The following SNX29 variants were observed in gnomAD, a reference collection of about 807,000 sequenced individuals.
SNX29 encodes the protein sorting nexin 29.
SNX29 carries 78 observed loss-of-function variants against 102.1 expected under a neutral mutation model. The observed-to-expected ratio is 0.76, with a 90% CI of 0.64 to 0.92. The LOEUF (loss-of-function observed/expected upper bound fraction) is 0.92, where lower values mean the gene tolerates loss of function less well. SNX29 is among the 40% of genes least tolerant of loss of function. The pLI, the probability that SNX29 is intolerant of heterozygous loss-of-function variation, is 0.00. For synonymous variants in SNX29, 580 were observed against 414.5 expected, an observed-to-expected ratio of 1.40 and a Z score of -4.85; for missense variants, 1,280 against 1,061.7, an observed-to-expected ratio of 1.21 and a Z score of -2.86.
intron 18 of SNX29, among the ~76,000 whole-genome samples, chr16:12,406,453 C>G (rs1001489170): frequency 6.6e-5 from 10 of 152,282 alleles, no homozygotes; most frequent in African/African-American, 1.2e-4. Context: ...TAAGATTTCC[C>G]TTGAAGGAAA....
chr16:12,007,910 C>G lies in SNX29; in HGVS notation c.122+4867C>G, dbSNP rs1020339945. Among the ~76,000 whole-genome samples the G allele has an allele frequency of 3.3e-5, 5 of 152,154 alleles. No homozygotes were observed. In the East Asian group the frequency reaches 9.6e-4, roughly 29 times the overall value. ...CTGCTCTCTGATCCAGCCATCTGCC[C>G]TTTTTCTCCTTTTGTTTTTAAAGCT... On this transcript the variant is annotated intron_variant, in intron 3 of 20. Transcript: ENST00000566228.
intron 13 of SNX29, among the ~76,000 whole-genome samples, chr16:12,178,892 C>T (rs892360770): frequency 1.3e-5 from 2 of 152,216 alleles, no homozygotes; most frequent in African/African-American, 4.8e-5. Context: ...GAGGCTGTGT[C>T]TGTATTGTGC....
intron 20 of SNX29, among the ~76,000 whole-genome samples, chr16:12,543,923 C>A (rs2077462582): frequency 6.6e-6 from 1 of 152,178 alleles, no homozygotes; most frequent in South Asian, 2.1e-4. Context: ...AAGGTGGAAT[C>A]CGGCACCCTC....
At chr16:12,290,023 C>G (rs2079739077) in intron 15 of SNX29, among the ~76,000 whole-genome samples, 1 of 152,134 alleles carries the variant, frequency 6.6e-6, no homozygotes, top group African/African-American at 2.4e-5. Context: ...GTGGAGAACG[C>G]TGAGACAGGG....
At chr16:12,433,326 A>G (rs1456050174) in intron 18 of SNX29, among the ~76,000 whole-genome samples, 1 of 152,132 alleles carries the variant, frequency 6.6e-6, no homozygotes, top group East Asian at 1.9e-4. Context: ...CTCGGCTCAC[A>G]GGATCATAAA....
intron 11 of SNX29, among the ~76,000 whole-genome samples, chr16:12,103,088 T>C (rs368700600): frequency 6.6e-6 from 1 of 152,242 alleles, no homozygotes; most frequent in South Asian, 2.1e-4. Flanking sequence ...TCCATGCTCA[T>C]GCATAGGTAG....
chr16:12,198,608 C>T (rs2076837513), intron 13 of SNX29, among the ~76,000 whole-genome samples: 1 of 152,228 alleles, frequency 6.6e-6, no homozygotes, highest in Non-Finnish European at 1.5e-5. Flanking sequence ...AGAGGCACCT[C>T]CCTCTGGTAG....
At chr16:12,301,268 T>A (rs146265285) in intron 15 of SNX29, among the ~76,000 whole-genome samples, 1 of 152,372 alleles carries the variant, frequency 6.6e-6, no homozygotes, top group Non-Finnish European at 1.5e-5. Flanking sequence ...CTCCTTCCTG[T>A]ACTCTGCAAG....
intron 11 of SNX29, among the ~76,000 whole-genome samples, chr16:12,100,082 C>T (rs1235686205): frequency 2.0e-5 from 3 of 152,110 alleles, no homozygotes; most frequent in African/African-American, 7.2e-5. Context: ...ATAGGGAGTC[C>T]TTGGTGGGAG....
chr16:12,412,241 C>T (rs915265971), intron 18 of SNX29, among the ~76,000 whole-genome samples: 11 of 152,180 alleles, frequency 7.2e-5, no homozygotes, highest in Admixed American at 2.0e-4. Context: ...TCATGATCCC[C>T]ATCTTATAGA....
rs2079227844 is a variant in SNX29 at position 12,573,389 on chromosome 16, A to G, written c.*4760A>G. ...AACCAAGTTGCGTATCCTTCCTTAT[A>G]GCTAGTTTCTATAGAGAAGTGAAAA... On this transcript the variant is annotated 3_prime_UTR_variant, in exon 21 of 21. Coordinates refer to ENST00000566228, the MANE Select transcript of SNX29 (RefSeq NM_032167.5). The G allele has an allele frequency of 8.9e-6, 2 of 224,180 alleles. No individual in the cohort carries two copies. The highest frequency in any genetic ancestry group is 2.2e-5 in the African/African-American group (1 of 44,952). 13.9% of individuals were successfully genotyped at this position (224,180 alleles called of 1,614,324 possible).
chr16:12,381,480 T>C (rs1423767472), intron 16 of SNX29, among the ~76,000 whole-genome samples: 2 of 25,224 alleles, frequency 7.9e-5, no homozygotes, highest in Admixed American at 5.5e-4. Context: ...CCTATCCACC[T>C]AGCCACCCAC....
At chr16:12,315,365 T>G (rs2080699144) in intron 15 of SNX29, among the ~76,000 whole-genome samples, 1 of 152,192 alleles carries the variant, frequency 6.6e-6, no homozygotes, top group Non-Finnish European at 1.5e-5. Flanking sequence ...CGCCTCTGCT[T>G]CCAGCCCTCA....
intron 18 of SNX29, among the ~76,000 whole-genome samples, chr16:12,445,614 G>A (rs573517089): frequency 2.0e-5 from 3 of 152,282 alleles, no homozygotes; most frequent in Admixed American, 2.0e-4. Flanking sequence ...TTCTTCCCAG[G>A]TCCACCTAAG....
At chr16:12,398,133 A>G (rs538544731) in intron 16 of SNX29, among the ~76,000 whole-genome samples, 1 of 152,330 alleles carries the variant, frequency 6.6e-6, no homozygotes, top group South Asian at 2.1e-4. Flanking sequence ...CTTGCATCTC[A>G]GATCCTAATT....
At chr16:12,054,157 A>G (rs548496367) in intron 8 of SNX29, among the ~76,000 whole-genome samples, 27 of 152,202 alleles carry the variant, frequency 1.8e-4, no homozygotes, top group African/African-American at 5.1e-4. Context: ...TAGTAGAGAC[A>G]GGGTTTCACC....
At chr16:12,321,846 G>C (rs1299105332) in intron 15 of SNX29, among the ~76,000 whole-genome samples, 1 of 152,202 alleles carries the variant, frequency 6.6e-6, no homozygotes, top group East Asian at 1.9e-4. Context: ...TTCCTTGGTG[G>C]GGTGGGGAAG....
chr16:12,133,584 C>G (rs367809375), intron 13 of SNX29, among the ~76,000 whole-genome samples: 7 of 152,270 alleles, frequency 4.6e-5, no homozygotes, highest in African/African-American at 1.7e-4. Context: ...AGCCACTGCT[C>G]TTGGCATGTT....
At chr16:12,423,524 C>T (rs1252875279) in intron 18 of SNX29, among the ~76,000 whole-genome samples, 1 of 152,138 alleles carries the variant, frequency 6.6e-6, no homozygotes, top group Non-Finnish European at 1.5e-5. Context: ...ACCTTTGGAA[C>T]GAAGGCTGGG....
Sources: gnomAD v4.1 joint callset for allele counts (sites outside exome capture counted in the v4.1 genomes callset) on GRCh38, gnomAD v4.1.1 for gene constraint, MANE v1.5 for transcripts, NCBI Gene and HGNC (gene_info 2026-07-23, HGNC 2026-07-21) for gene names.